The following ADGRL1 variants were observed in gnomAD, a reference collection of about 807,000 sequenced individuals.
ADGRL1 encodes CIRL-1.
Under a neutral mutation model 148.9 loss-of-function variants are expected in ADGRL1, and 31 were observed. The observed-to-expected ratio is 0.21, with a 90% CI of 0.16 to 0.28. The LOEUF (loss-of-function observed/expected upper bound fraction) is 0.28. Among genes scored for constraint, ADGRL1 ranks in the 10% least tolerant of loss-of-function variants. The probability of loss-of-function intolerance (pLI) is 1.00; values close to 1 mark genes in which losing one functional copy is unlikely to be tolerated. For synonymous variants in ADGRL1, 937 were observed against 900.3 expected, an observed-to-expected ratio of 1.04 and a Z score of -0.73; for missense variants, 1,521 against 2,058.8, an observed-to-expected ratio of 0.74 and a Z score of 5.05.
In ADGRL1 at chr19:14,151,070, G is replaced by GGC; in HGVS notation, c.4212_4213insGC (p.Pro1405AlafsTer124). ...CCGGGGGGTGCGGGAGGGGGTGGGG[G>GGC]CAGGGCCTCACTGGGCCCCTCAGGG... On this transcript the variant is annotated frameshift_variant, in exon 23 of 23. Coordinates refer to ENST00000361434, the MANE Select transcript of ADGRL1 (RefSeq NM_014921.5). LOFTEE classifies it high-confidence loss of function. The GGC allele has an allele frequency of 5.5e-5, 39 of 709,268 alleles. No individual in the cohort carries two copies. The highest frequency in any genetic ancestry group is 7.8e-5 in the Non-Finnish European group (36 of 458,946). 43.9% of individuals were successfully genotyped at this position (709,268 alleles called of 1,614,324 possible). A position where few individuals can be genotyped will look rare whatever the true frequency, so the allele number is the denominator to read the frequency against.
chr19:14,161,966 C>G lies in ADGRL1; in HGVS notation c.1196-340G>C, dbSNP rs547521880. Among the ~76,000 whole-genome samples the G allele has an allele frequency of 4.7e-4, 72 of 152,282 alleles. No homozygotes were observed. Among genetic ancestry groups the G allele is most frequent in the Non-Finnish European group, 9.4e-4 (64 of 68,016 alleles). On this transcript the variant is annotated intron_variant, in intron 5 of 22. Coordinates refer to ENST00000361434, the MANE Select transcript of ADGRL1 (RefSeq NM_014921.5). The surrounding 1 kb of genome is among the most constrained non-coding windows in gnomAD (Gnocchi z 4.4). ...CCGAGGGCAGGAGCCCTCCCCAATC[C>G]AGGTCAGCCCCGCCACCAGGTGGGG... is the stretch of plus-strand genomic sequence containing the variant.
At position 14,158,456 on chromosome 19, in the gene ADGRL1, C is replaced by T; in HGVS notation, c.2246G>A (p.Gly749Asp). 3 of 1,613,868 alleles carry T rather than the reference C, an allele frequency of 1.9e-6. No homozygotes were observed. Among genetic ancestry groups the T allele is most frequent in the Non-Finnish European group, 2.5e-6 (3 of 1,180,016 alleles). Residue 749 changes from glycine (G) to aspartate (D), a missense_variant, in exon 12 of 23, where the codon GGT becomes GAT. This residue lies in a region of ADGRL1 where 265 missense variants were observed against 431.9 expected (regional missense o/e 0.61). Transcript: ENST00000361434. ...CACTAGAGAGGCGCCCCCAGGGCCA[C>T]CCGGGCCTGCTTCGCCGGCCAGCTT... The part of the protein sequence containing the change: ...TVKLAGEAGP[G>D]GPGGASLVVN...
chr19:14,155,223 G>A lies in ADGRL1; in HGVS notation c.3294+136C>T. 1 of 1,026,476 alleles carries A rather than the reference G, an allele frequency of 9.7e-7. No homozygotes were observed. The highest frequency in any genetic ancestry group is 1.6e-5 in the South Asian group (1 of 64,040). The allele number at this position is 1,026,476 out of a possible 1,614,324, so 63.6% of individuals were successfully genotyped here. A position where few individuals can be genotyped will look rare whatever the true frequency, so the allele number is the denominator to read the frequency against. ...CTCCCCTCCCGGTGGACGCAGACCT[G>A]ACCACAGAAGCCCTGCAGCACTCAC... On this transcript the variant is annotated intron_variant, in intron 18 of 22. Coordinates refer to ENST00000361434, the MANE Select transcript of ADGRL1 (RefSeq NM_014921.5). The surrounding 1 kb of genome is among the most constrained non-coding windows in gnomAD (Gnocchi z 5.0).
intron 1 of ADGRL1, chr19:14,191,294 C>G (rs180929247): frequency 6.6e-6 from 3 of 456,564 alleles, no homozygotes; most frequent in Non-Finnish European, 1.3e-5. Context: ...ATTACAGTGC[C>G]CTGCAGTCAC....
At position 14,159,018 on chromosome 19, in the gene ADGRL1, A is replaced by AG; in HGVS notation, c.2149+71dup. 6.4e-7 allele frequency: 1 copy of AG among 1,572,716 alleles called. No individual in the cohort carries two copies. The highest frequency in any genetic ancestry group is 8.7e-7 in the Non-Finnish European group (1 of 1,151,312). ...CCGCTGCCCTCTACAAATGGCACAG[A>AG]GACGCTGGCACAGAGCTGGGGGGTG... On this transcript the variant is annotated intron_variant, in intron 11 of 22. Coordinates refer to ENST00000361434, the MANE Select transcript of ADGRL1 (RefSeq NM_014921.5). This position sits in a 1 kb window ranked among gnomAD's most constrained non-coding sequence, Gnocchi z 6.0.
intron 1 of ADGRL1, among the ~76,000 whole-genome samples, chr19:14,184,800 C>T (rs190681753): frequency 2.9e-4 from 44 of 151,864 alleles, no homozygotes; most frequent in East Asian, 1.9e-3. Flanking sequence ...CCAACACGCC[C>T]GGCTAATTTT....
chr19:14,161,071 G>A lies in ADGRL1; in HGVS notation c.1510+241C>T, dbSNP rs1387816039. Among the ~76,000 whole-genome samples the A allele has an allele frequency of 1.3e-5, 2 of 152,242 alleles. No homozygotes were observed. Among genetic ancestry groups the A allele is most frequent in the African/African-American group, 4.8e-5 (2 of 41,456 alleles). On this transcript the variant is annotated intron_variant, in intron 6 of 22. Transcript: ENST00000361434. The surrounding 1 kb of genome is among the most constrained non-coding windows in gnomAD (Gnocchi z 4.4). ...GAAGCTGACTGTGCCTGGGGCTGTG[G>A]CAGGTCAGCCTGAGGCCGGGAGCCA... is the stretch of plus-strand genomic sequence containing the variant.
At chr19:14,168,572 C>T (rs1970201569) in intron 4 of ADGRL1, among the ~76,000 whole-genome samples, 2 of 151,998 alleles carry the variant, frequency 1.3e-5, no homozygotes, top group South Asian at 4.2e-4. Context: ...CGGTTGTAGC[C>T]CCTGGACCAC....
intron 1 of ADGRL1, among the ~76,000 whole-genome samples, chr19:14,187,420 G>C (rs368031877): frequency 2.7e-4 from 41 of 152,238 alleles, no homozygotes; most frequent in South Asian, 1.9e-3. Flanking sequence ...CCAGACCCCA[G>C]TCTCCTCACG....
intron 3 of ADGRL1, among the ~76,000 whole-genome samples, chr19:14,173,621 A>C (rs534551003): frequency 1.4e-4 from 22 of 152,252 alleles, no homozygotes; most frequent in Non-Finnish European, 2.4e-4. Flanking sequence ...CAATCACCAC[A>C]AACGTGGAGG....
intron 11 of ADGRL1, 56 bp from the exon 12 acceptor site, chr19:14,158,608 T>A: frequency 1.4e-6 from 2 of 1,436,470 alleles, no homozygotes; most frequent in Non-Finnish European, 1.9e-6. Flanking sequence ...CGCACCTCCA[T>A]CCAGGCCCCT....
At chr19:14,191,290 G>A in intron 1 of ADGRL1, 1 of 456,674 alleles carries the variant, frequency 2.2e-6, no homozygotes, top group South Asian at 1.5e-5. Context: ...CTGTATTACA[G>A]TGCCCTGCAG....
In ADGRL1 at chr19:14,152,888, G is replaced by A. The variant is rs747842678; in HGVS notation, c.3319C>T (p.Leu1107=). The change falls in exon 19 of 23, where the codon CTG becomes TTG. Residue 1107 remains leucine, a synonymous_variant. Transcript: ENST00000361434. This position sits in a 1 kb window ranked among gnomAD's most constrained non-coding sequence, Gnocchi z 6.1. ...CGGATGCAGCAGTAGGAGTGACGCAGGCACTTGCTGTACTCCTTGTGCACC... is the reference window on the plus strand; with the variant it reads ...CGGATGCAGCAGTAGGAGTGACGCAAGCACTTGCTGTACTCCTTGTGCACC... ...KKVHKEYSKC[L]RHSYCCIRSP... 23 of 1,614,004 alleles carry A rather than the reference G, an allele frequency of 1.4e-5. No homozygotes were observed. The highest frequency in any genetic ancestry group is 9.3e-6 in the Non-Finnish European group (11 of 1,180,018).
chr19:14,161,514 C>G lies in ADGRL1; in HGVS notation c.1308G>C (p.Thr436=). The change falls in exon 6 of 23, where the codon ACG becomes ACC. Residue 436 remains threonine (T), a synonymous_variant. Transcript: ENST00000361434. The surrounding 1 kb of genome is among the most constrained non-coding windows in gnomAD (Gnocchi z 4.4). ...TTPLRRAPLT[T]HPVGAINQLG... ...GCTGGTTGATGGCACCCACTGGGTG[C>G]GTGGTGAGGGGTGCCCGGCGGAGCG... 6 of 1,437,070 alleles carry G rather than the reference C, an allele frequency of 4.2e-6. No homozygotes were observed. The highest frequency in any genetic ancestry group is 5.5e-6 in the Non-Finnish European group (6 of 1,093,112). 89.0% of individuals were successfully genotyped at this position (1,437,070 alleles called of 1,614,324 possible). A position where few individuals can be genotyped will look rare whatever the true frequency, so the allele number is the denominator to read the frequency against.
chr19:14,158,160 C>T, intron 12 of ADGRL1, 108 bp from the exon 13 acceptor site: 1 of 1,325,876 alleles, frequency 7.5e-7, no homozygotes, highest in South Asian at 1.3e-5. Flanking sequence ...CAAAGAAGTG[C>T]CTGGGGTCTG....
At position 14,155,497 on chromosome 19, in the gene ADGRL1, C is replaced by G. The variant is rs1429821394; in HGVS notation, c.3156G>C (p.Leu1052=). The change falls in exon 18 of 23, where the codon CTG becomes CTC. Residue 1052 remains leucine (L), a synonymous_variant. Coordinates refer to ENST00000361434, the MANE Select transcript of ADGRL1 (RefSeq NM_014921.5). This position sits in a 1 kb window ranked among gnomAD's most constrained non-coding sequence, Gnocchi z 5.0. ...KSWALGAIAL[L]FLLGLTWAFG... is the part of the protein sequence containing the mutation. Reference sequence around the variant, plus strand: ...AAGCCCAGGTGAGGCCCAGCAGGAACAGCAGCGCGATGGCCCCCAGCGCCC... The same window carrying G: ...AAGCCCAGGTGAGGCCCAGCAGGAAGAGCAGCGCGATGGCCCCCAGCGCCC... The G allele has an allele frequency of 6.2e-7, 1 of 1,613,754 alleles. No homozygotes were observed. The highest frequency in any genetic ancestry group is 8.5e-7 in the Non-Finnish European group (1 of 1,179,940).
chr19:14,155,207 C>T lies in ADGRL1; in HGVS notation c.3294+152G>A, dbSNP rs143206313. 494 of 854,502 alleles carry T rather than the reference C, an allele frequency of 5.8e-4. 2 individuals carry two copies. Among genetic ancestry groups the T allele is most frequent in the Non-Finnish European group, 7.5e-4 (416 of 554,952 alleles). The allele number at this position is 854,502 out of a possible 1,614,324, so 52.9% of individuals were successfully genotyped here. Reference sequence around the variant, plus strand: ...TAACCCTGAGCTCGTGCTCCCCTCCCGGTGGACGCAGACCTGACCACAGAA... The same window carrying T: ...TAACCCTGAGCTCGTGCTCCCCTCCTGGTGGACGCAGACCTGACCACAGAA... On this transcript the variant is annotated intron_variant, in intron 18 of 22. Coordinates refer to ENST00000361434, the MANE Select transcript of ADGRL1 (RefSeq NM_014921.5). The surrounding 1 kb of genome is among the most constrained non-coding windows in gnomAD (Gnocchi z 5.0).
chr19:14,202,798 C>CCTGCCTCCCCCAGCA lies in ADGRL1; in HGVS notation c.-96+3172_-96+3186dup, dbSNP rs142153473. Among the ~76,000 whole-genome samples, 301 of 152,212 alleles carry CCTGCCTCCCCCAGCA rather than the reference C, an allele frequency of 2.0e-3. 1 individual carries two copies. The highest frequency in any genetic ancestry group is 6.9e-3 in the African/African-American group (287 of 41,500). On this transcript the variant is annotated intron_variant, in intron 1 of 22. Coordinates refer to ENST00000361434, the MANE Select transcript of ADGRL1 (RefSeq NM_014921.5). Reference sequence around the variant, plus strand: ...ACAGACAGCTACTCCTTCTTGCAGCCCTGCCTCCCCCAGCATGACCACCCC... The same window carrying CCTGCCTCCCCCAGCA: ...ACAGACAGCTACTCCTTCTTGCAGCCCTGCCTCCCCCAGCACTGCCTCCCCCAGCATGACCACCCC...
At chr19:14,175,481 C>T (rs1010798174) in intron 3 of ADGRL1, among the ~76,000 whole-genome samples, 1 of 151,780 alleles carries the variant, frequency 6.6e-6, no homozygotes, top group Non-Finnish European at 1.5e-5. Context: ...TGCTCACACC[C>T]ACACCCGCTC....
Sources: gnomAD v4.1 joint callset for allele counts (sites outside exome capture counted in the v4.1 genomes callset) on GRCh38, gnomAD v4.1.1 for gene constraint, gnomAD v4.1.1 regional missense constraint, Gnocchi (gnomAD v3.1) non-coding constraint, MANE v1.5 for transcripts, NCBI Gene and HGNC (gene_info 2026-07-23, HGNC 2026-07-21) for gene names.